FAM117B: variants seen among roughly 807,000 people sequenced by gnomAD.
FAM117B encodes the protein family with sequence similarity 117 member B.
In FAM117B, 22 loss-of-function variants were observed where a neutral mutation model predicts 52.8. That is an observed-to-expected ratio of 0.42 (90% CI 0.30 to 0.59). The LOEUF (loss-of-function observed/expected upper bound fraction) is 0.59, where lower values mean the gene tolerates loss of function less well. Among genes scored for constraint, FAM117B ranks in the 20% least tolerant of loss-of-function variants. FAM117B has a pLI of 0.22. For synonymous variants in FAM117B, 309 were observed against 324.1 expected, an observed-to-expected ratio of 0.95 and a Z score of 0.50; for missense variants, 678 against 802.6, an observed-to-expected ratio of 0.84 and a Z score of 1.88.
At chr2:202,682,592 C>T (rs1310766221) in intron 1 of FAM117B, among the ~76,000 whole-genome samples, 1 of 152,212 alleles carries the variant, frequency 6.6e-6, no homozygotes, top group Non-Finnish European at 1.5e-5. Flanking sequence ...CCCGCTTCAA[C>T]AGCACAGTAC....
At position 202,755,568 on chromosome 2, in the gene FAM117B, G is replaced by T; in HGVS notation, c.991G>T (p.Val331Leu). ...TGTTCCAAAGAGTGCACTTATTCCT[G>T]TAATTCCCATCACCAAATCAACAGG... ...APVPKSALIP[V>L]IPITKSTGSR... The change falls in exon 5 of 8, where the codon GTA becomes TTA. Residue 331 changes from valine to leucine, a missense_variant. Transcript: ENST00000392238. 6.2e-7 allele frequency: 1 copy of T among 1,614,098 alleles called. No individual in the cohort carries two copies. The highest frequency in any genetic ancestry group is 8.5e-7 in the Non-Finnish European group (1 of 1,179,994).
chr2:202,651,659 C>A lies in FAM117B; in HGVS notation c.601+15871C>A, dbSNP rs1689960333. 2.0e-5 allele frequency among the ~76,000 whole-genome samples: 3 copies of A among 152,200 alleles called. No individual in the cohort carries two copies. The South Asian group carries it at 6.2e-4, about 32-fold the overall frequency. On this transcript the variant is annotated intron_variant, in intron 1 of 7. Transcript: ENST00000392238. The stretch of plus-strand genomic sequence containing the variant: ...AAAGTGCTGGGATTACAGGCGTGAG[C>A]CACCACGCCTGGCCAAAAGTTTGTA...
At chr2:202,742,048 G>C (rs1691551109) in intron 4 of FAM117B, among the ~76,000 whole-genome samples, 1 of 152,152 alleles carries the variant, frequency 6.6e-6, no homozygotes, top group Non-Finnish European at 1.5e-5. Flanking sequence ...ATACAAAGCA[G>C]ACCTGTACAA....
intron 4 of FAM117B, among the ~76,000 whole-genome samples, chr2:202,748,761 A>G (rs951597141): frequency 6.6e-6 from 1 of 152,158 alleles, no homozygotes; most frequent in African/African-American, 2.4e-5. Flanking sequence ...ATCCAAATCC[A>G]TAATGAGATA....
In FAM117B at chr2:202,765,886, C is replaced by G; in HGVS notation, c.*122C>G. On this transcript the variant is annotated 3_prime_UTR_variant, in exon 8 of 8. Coordinates refer to ENST00000392238, the MANE Select transcript of FAM117B (RefSeq NM_173511.4). ...GCTCCAGCTTTCCAGTGACATGTGA[C>G]GGCGAGGCTTCTGGAAGAAAGGATC... is the stretch of plus-strand genomic sequence containing the variant. 2.9e-6 allele frequency: 3 copies of G among 1,048,086 alleles called. No individual in the cohort carries two copies. Among genetic ancestry groups the G allele is most frequent in the Non-Finnish European group, 4.1e-6 (3 of 735,232 alleles). The allele number at this position is 1,048,086 out of a possible 1,614,324, so 64.9% of individuals were successfully genotyped here.
At chr2:202,721,309 A>G (rs1691147596) in intron 2 of FAM117B, among the ~76,000 whole-genome samples, 1 of 152,232 alleles carries the variant, frequency 6.6e-6, no homozygotes, top group Admixed American at 6.5e-5. Context: ...AAATAGTAAT[A>G]TAAAATGTAT....
At chr2:202,678,804 C>T (rs979728250) in intron 1 of FAM117B, among the ~76,000 whole-genome samples, 3 of 152,092 alleles carry the variant, frequency 2.0e-5, no homozygotes, top group East Asian at 1.9e-4. Context: ...GTGATCTGTC[C>T]GCCTCTGCCT....
chr2:202,655,263 T>A (rs1690034190), intron 1 of FAM117B, among the ~76,000 whole-genome samples: 1 of 152,212 alleles, frequency 6.6e-6, no homozygotes, highest in Non-Finnish European at 1.5e-5. Context: ...ACTTTGTTTA[T>A]GCATTATTAG....
At chr2:202,648,156 C>G (rs1319585384) in intron 1 of FAM117B, among the ~76,000 whole-genome samples, 1 of 152,146 alleles carries the variant, frequency 6.6e-6, no homozygotes, top group Non-Finnish European at 1.5e-5. Context: ...TCATTCTTCT[C>G]AAGAGAAATC....
At chr2:202,763,181 C>G (rs1256687421) in intron 7 of FAM117B, among the ~76,000 whole-genome samples, 2 of 151,256 alleles carry the variant, frequency 1.3e-5, no homozygotes, top group Non-Finnish European at 2.9e-5. Context: ...GCGCCATTCT[C>G]CTGCCTCAGC....
At chr2:202,755,420 T>G in intron 4 of FAM117B, 118 bp from the exon 5 acceptor site, 1 of 1,273,818 alleles carries the variant, frequency 7.9e-7, no homozygotes, top group Non-Finnish European at 1.1e-6. Context: ...TCACACTTTT[T>G]GTGAGGCCTG....
chr2:202,654,665 C>CTTTTTTTTTTT (rs753974102), intron 1 of FAM117B, among the ~76,000 whole-genome samples: 1 of 137,424 alleles, frequency 7.3e-6, no homozygotes, highest in African/African-American at 2.7e-5. Flanking sequence ...CCTTTGTAAT[C>CTTTTTTTTTTT]TTTTTTTTTT....
intron 4 of FAM117B, among the ~76,000 whole-genome samples, chr2:202,743,455 A>G (rs201341891): frequency 6.6e-6 from 1 of 152,230 alleles, no homozygotes; most frequent in East Asian, 1.9e-4. Flanking sequence ...TAAATGTACA[A>G]GTATTAATAT....
chr2:202,762,770 G>C (rs1023601092), intron 7 of FAM117B, among the ~76,000 whole-genome samples: 1 of 151,790 alleles, frequency 6.6e-6, no homozygotes, highest in Non-Finnish European at 1.5e-5. Flanking sequence ...TGGTGGGCTG[G>C]GGTAATGACA....
intron 2 of FAM117B, among the ~76,000 whole-genome samples, chr2:202,709,728 A>G (rs1190635594): frequency 1.3e-5 from 2 of 152,156 alleles, no homozygotes; most frequent in Admixed American, 6.6e-5. Context: ...GTCAAGACCA[A>G]TATCATGAAG....
intron 1 of FAM117B, among the ~76,000 whole-genome samples, chr2:202,636,004 C>G (rs1045278291): frequency 2.7e-5 from 4 of 150,048 alleles, no homozygotes; most frequent in Non-Finnish European, 5.9e-5. Context: ...TCATTCACCC[C>G]TCTGCCCGCC....
At chr2:202,757,492 A>G in intron 6 of FAM117B, 54 bp downstream of exon 6, 2 of 1,518,320 alleles carry the variant, frequency 1.3e-6, no homozygotes, top group Non-Finnish European at 1.8e-6. Context: ...CTCCTCTTGT[A>G]TCATTCATTC....
intron 4 of FAM117B, among the ~76,000 whole-genome samples, chr2:202,731,332 AATATATATATATATATATATATATAT>A (rs35255766): frequency 3.3e-5 from 1 of 30,740 alleles, no homozygotes; most frequent in African/African-American, 6.0e-5. Flanking sequence ...GAGAAATTGG[AATATATATATATATATATATATATAT>A]ATATATATAT....
chr2:202,751,826 A>G (rs1291688551), intron 4 of FAM117B, among the ~76,000 whole-genome samples: 7 of 151,842 alleles, frequency 4.6e-5, no homozygotes, highest in Non-Finnish European at 8.8e-5. Flanking sequence ...CTGTGCACCA[A>G]AGATCTGAGC....
Sources: allele counts gnomAD v4.1 joint callset (sites outside exome capture counted in the v4.1 genomes callset), GRCh38; gene constraint gnomAD v4.1.1; transcripts MANE v1.5; gene names NCBI Gene and HGNC (gene_info 2026-07-23, HGNC 2026-07-21).